Variants in SLX4IP observed in about 807,000 individuals in gnomAD.
SLX4IP encodes SLX4 interacting protein, also known as protein SLX4IP.
Under a neutral mutation model 32.9 loss-of-function variants are expected in SLX4IP, and 34 were observed. That is an observed-to-expected ratio of 1.03 (90% CI 0.79 to 1.38). The LOEUF is 1.38. SLX4IP is among the 40% of genes most tolerant of loss of function. The pLI is 0.00. For synonymous variants in SLX4IP, 172 were observed against 171.7 expected (o/e 1.00, Z -0.01); for missense variants, 444 against 479.0 (o/e 0.93, Z 0.68).
At chr20:10,568,009 A>G (rs972902275) in intron 4 of SLX4IP, among the ~76,000 whole-genome samples, 1 of 152,226 alleles carries the variant, frequency 6.6e-6, no homozygotes, top group African/African-American at 2.4e-5. Context: ...ACACACAGAC[A>G]TACTCATTGA....
At chr20:10,445,717 TGAGTTCAAGC>T (rs1187123696) in intron 1 of SLX4IP, among the ~76,000 whole-genome samples, 1 of 151,186 alleles carries the variant, frequency 6.6e-6, no homozygotes, top group Non-Finnish European at 1.5e-5. Flanking sequence ...CTCCGCCTCC[TGAGTTCAAGC>T]GATTCTCCCG....
chr20:10,465,017 T>C (rs1329240136), intron 2 of SLX4IP, among the ~76,000 whole-genome samples: 6 of 152,176 alleles, frequency 3.9e-5, no homozygotes, highest in Non-Finnish European at 1.5e-5. Flanking sequence ...GAAATGGCAG[T>C]AGTGCATGAG....
At chr20:10,517,024 T>C (rs189019090) in intron 2 of SLX4IP, among the ~76,000 whole-genome samples, 3 of 152,396 alleles carry the variant, frequency 2.0e-5, no homozygotes, top group South Asian at 4.1e-4. Flanking sequence ...GCTGGACTAA[T>C]GTATTTGAAT....
intron 2 of SLX4IP, among the ~76,000 whole-genome samples, chr20:10,525,358 C>T (rs1313723630): frequency 1.3e-5 from 2 of 152,172 alleles, no homozygotes; most frequent in Non-Finnish European, 2.9e-5. Context: ...TGACCTTTCT[C>T]TACACGGAAA....
intron 2 of SLX4IP, among the ~76,000 whole-genome samples, chr20:10,534,593 C>A (rs1227515024): frequency 3.3e-5 from 5 of 152,174 alleles, no homozygotes; most frequent in African/African-American, 1.2e-4. Flanking sequence ...GGAGCTCCTT[C>A]CAGCAGAGCC....
rs570304755 is a variant in SLX4IP, at chr20:10,512,605, A to G, written c.28-43626A>G. 3.2e-3 allele frequency among the ~76,000 whole-genome samples: 464 copies of G among 144,624 alleles called. 1 individual carries two copies. The highest frequency in any genetic ancestry group is 0.011 in the African/African-American group (441 of 39,244). 94.9% of individuals were successfully genotyped at this position (144,624 alleles called of 152,430 possible). A position where few individuals can be genotyped will look rare whatever the true frequency, so the allele number is the denominator to read the frequency against. ...GTGTGTATATATACATTATATATAT[A>G]TAAAATATATATAGTATTATATATT... On this transcript the variant is annotated intron_variant, in intron 2 of 7. Transcript: ENST00000334534.
intron 1 of SLX4IP, among the ~76,000 whole-genome samples, chr20:10,447,089 A>T (rs951510318): frequency 6.6e-6 from 1 of 152,180 alleles, no homozygotes; most frequent in South Asian, 2.1e-4. Flanking sequence ...CTTGTATGAG[A>T]TCGAGTCCAA....
chr20:10,443,647 T>C (rs2065176311), intron 1 of SLX4IP, among the ~76,000 whole-genome samples: 1 of 152,196 alleles, frequency 6.6e-6, no homozygotes, highest in Admixed American at 6.5e-5. Context: ...TGAAGTTGCC[T>C]GTGCCATAAG....
At chr20:10,563,597 G>A (rs1601006834) in intron 4 of SLX4IP, among the ~76,000 whole-genome samples, 1 of 152,166 alleles carries the variant, frequency 6.6e-6, no homozygotes, top group African/African-American at 2.4e-5. Context: ...GTGAGAGATA[G>A]GGGCCCAGTT....
At chr20:10,483,711 T>C (rs1033383477) in intron 2 of SLX4IP, among the ~76,000 whole-genome samples, 1 of 152,088 alleles carries the variant, frequency 6.6e-6, no homozygotes, top group Middle Eastern at 3.2e-3. Flanking sequence ...TCTATGATAA[T>C]GATGGAGTTC....
chr20:10,527,938 G>A (rs1462287629), intron 2 of SLX4IP, among the ~76,000 whole-genome samples: 4 of 152,126 alleles, frequency 2.6e-5, no homozygotes, highest in Non-Finnish European at 4.4e-5. Context: ...GACAGCTGGT[G>A]CCTCTGTAAT....
At chr20:10,475,107 G>A (rs2065463892) in intron 2 of SLX4IP, among the ~76,000 whole-genome samples, 1 of 152,222 alleles carries the variant, frequency 6.6e-6, no homozygotes, top group South Asian at 2.1e-4. Context: ...CCAAGTCAGG[G>A]CTTTCAGCAG....
At chr20:10,439,792 G>A (rs2065145396) in intron 1 of SLX4IP, among the ~76,000 whole-genome samples, 1 of 152,192 alleles carries the variant, frequency 6.6e-6, no homozygotes, top group Admixed American at 6.5e-5. Context: ...AATAATTCAT[G>A]CACATGAAGA....
intron 6 of SLX4IP, among the ~76,000 whole-genome samples, chr20:10,616,802 T>G (rs2067039352): frequency 6.6e-6 from 1 of 152,172 alleles, no homozygotes; most frequent in African/African-American, 2.4e-5. Context: ...TGTTTATTTC[T>G]CCTCATAACA....
At position 10,445,379 on chromosome 20, in the gene SLX4IP, G is replaced by T. The variant is rs376769962; in HGVS notation, c.-30+9926G>T. Among the ~76,000 whole-genome samples, 10 of 141,074 alleles carry T rather than the reference G, an allele frequency of 7.1e-5. No individual in the cohort carries two copies. In the East Asian group the frequency reaches 2.1e-3, roughly 30 times the overall value. 92.6% of individuals were successfully genotyped at this position (141,074 alleles called of 152,430 possible). Reference sequence around the variant, plus strand: ...TGCCCAGGCTGGAGTGCAATGGCGCGATCTTGGCTCACTGCAAACTCCACC... The same window carrying T: ...TGCCCAGGCTGGAGTGCAATGGCGCTATCTTGGCTCACTGCAAACTCCACC... On this transcript the variant is annotated intron_variant, in intron 1 of 7. Coordinates refer to ENST00000334534, the MANE Select transcript of SLX4IP (RefSeq NM_001009608.3).
chr20:10,476,700 A>G (rs1404194661), intron 2 of SLX4IP, among the ~76,000 whole-genome samples: 1 of 152,204 alleles, frequency 6.6e-6, no homozygotes, highest in African/African-American at 2.4e-5. Flanking sequence ...AATTATCCAG[A>G]GAAGGGTGCT....
intron 2 of SLX4IP, among the ~76,000 whole-genome samples, chr20:10,488,325 A>T (rs1193118774): frequency 1.3e-5 from 2 of 152,190 alleles, no homozygotes; most frequent in Non-Finnish European, 2.9e-5. Flanking sequence ...GTGAAGACAC[A>T]AGGATAATGC....
chr20:10,508,169 C>T (rs1600942362), intron 2 of SLX4IP, among the ~76,000 whole-genome samples: 1 of 152,202 alleles, frequency 6.6e-6, no homozygotes, highest in Non-Finnish European at 1.5e-5. Flanking sequence ...GCCCAGTGCT[C>T]ACCTGGCCGG....
chr20:10,583,110 G>A (rs901246701), intron 4 of SLX4IP, among the ~76,000 whole-genome samples: 1 of 152,092 alleles, frequency 6.6e-6, no homozygotes, highest in South Asian at 2.1e-4. Flanking sequence ...GTTTTAAACA[G>A]CATATAGCCA....
Sources: allele counts gnomAD v4.1 joint callset (sites outside exome capture counted in the v4.1 genomes callset), GRCh38; gene constraint gnomAD v4.1.1; transcripts MANE v1.5; gene names NCBI Gene and HGNC (gene_info 2026-07-23, HGNC 2026-07-21).